The following NRXN3 variants were observed in gnomAD, a reference collection of about 807,000 sequenced individuals.
The protein encoded by NRXN3 is neurexin III.
Under a neutral mutation model 137.6 loss-of-function variants are expected in NRXN3, and 32 were observed. The observed-to-expected ratio is 0.23, with a 90% CI of 0.18 to 0.31. NRXN3 has a LOEUF of 0.31. Ranked by LOEUF, NRXN3 falls within the 10% of genes least tolerant of loss-of-function variation. NRXN3 has a pLI of 1.00. For synonymous variants in NRXN3, 798 were observed against 784.5 expected (o/e 1.02, Z -0.29); for missense variants, 1,574 against 2,062.5 (o/e 0.76, Z 4.59).
At chr14:78,872,891 T>G (rs1441098307) in intron 10 of NRXN3, among the ~76,000 whole-genome samples, 1 of 152,210 alleles carries the variant, frequency 6.6e-6, no homozygotes, top group Non-Finnish European at 1.5e-5. Context: ...ACTATTTTTC[T>G]TATAACTTCG....
intron 16 of NRXN3, among the ~76,000 whole-genome samples, chr14:79,473,649 C>G (rs902730354): frequency 6.6e-6 from 1 of 152,116 alleles, no homozygotes; most frequent in Non-Finnish European, 1.5e-5. Context: ...AAAAAAGGAA[C>G]GAACAAGAAA....
At chr14:79,799,129 C>A (rs1033364007) in intron 19 of NRXN3, among the ~76,000 whole-genome samples, 4 of 152,122 alleles carry the variant, frequency 2.6e-5, no homozygotes, top group Admixed American at 2.0e-4. Context: ...ATACATAGGG[C>A]TCCTGCCAGA....
At chr14:78,258,739 G>GA (rs2070132843) in intron 2 of NRXN3, among the ~76,000 whole-genome samples, 1 of 152,066 alleles carries the variant, frequency 6.6e-6, no homozygotes, top group African/African-American at 2.4e-5. Flanking sequence ...GCTTGCAGTT[G>GA]AAAATTACAA....
At chr14:78,289,586 T>TC (rs1034268610) in intron 3 of NRXN3, among the ~76,000 whole-genome samples, 1 of 137,708 alleles carries the variant, frequency 7.3e-6, no homozygotes, top group African/African-American at 3.2e-5. Context: ...AATGTGCTTG[T>TC]TTTTTTTTTT....
At chr14:79,512,278 A>G (rs1186765832) in intron 16 of NRXN3, among the ~76,000 whole-genome samples, 1 of 152,074 alleles carries the variant, frequency 6.6e-6, no homozygotes, top group Non-Finnish European at 1.5e-5. Flanking sequence ...CTAGAATTTG[A>G]CTGTTTAGAG....
At chr14:79,121,311 T>C (rs1357084127) in intron 15 of NRXN3, among the ~76,000 whole-genome samples, 1 of 152,218 alleles carries the variant, frequency 6.6e-6, no homozygotes, top group African/African-American at 2.4e-5. Context: ...ATCCCATTGA[T>C]GTGATATGAA....
intron 8 of NRXN3, among the ~76,000 whole-genome samples, chr14:78,755,190 AT>A (rs34214778): frequency 0.33 from 43,126 of 131,532 alleles, 8,028 homozygotes; most frequent in African/African-American, 0.55. Context: ...TAGTTTTTGT[AT>A]TTTTTTTTTT....
chr14:79,734,507 A>G (rs2098935209), intron 19 of NRXN3, among the ~76,000 whole-genome samples: 1 of 152,220 alleles, frequency 6.6e-6, no homozygotes, highest in African/African-American at 2.4e-5. Context: ...TAGGTGATAC[A>G]TCATCTTCTC....
intron 15 of NRXN3, among the ~76,000 whole-genome samples, chr14:79,042,832 T>C (rs72687413): frequency 0.087 from 13,209 of 152,170 alleles, 727 homozygotes; most frequent in Non-Finnish European, 0.12. Flanking sequence ...TGGCCTGTCC[T>C]GCTGTCCTGG....
intron 8 of NRXN3, among the ~76,000 whole-genome samples, chr14:78,719,884 ACC>A (rs1276676166): frequency 6.6e-6 from 1 of 152,060 alleles, no homozygotes; most frequent in Non-Finnish European, 1.5e-5. Flanking sequence ...GTTGGCAGAT[ACC>A]GTTAGTGTTA....
At chr14:78,967,569 A>G (rs1383611028) in intron 13 of NRXN3, among the ~76,000 whole-genome samples, 171 bp downstream of exon 13, 1 of 152,162 alleles carries the variant, frequency 6.6e-6, no homozygotes, top group African/African-American at 2.4e-5. Context: ...GTTTTTACTT[A>G]GACTACTCAT....
At chr14:79,248,149 A>G (rs181996555) in intron 15 of NRXN3, among the ~76,000 whole-genome samples, 1 of 152,308 alleles carries the variant, frequency 6.6e-6, no homozygotes, top group Admixed American at 6.5e-5. Flanking sequence ...CACATATGAT[A>G]ACATTTCTGC....
chr14:78,773,195 T>G (rs1054876585), intron 8 of NRXN3, among the ~76,000 whole-genome samples: 6 of 152,214 alleles, frequency 3.9e-5, no homozygotes, highest in Non-Finnish European at 8.8e-5. Context: ...GATGCTTTTG[T>G]GTGATGACTT....
At chr14:79,118,365 T>C (rs904369212) in intron 15 of NRXN3, among the ~76,000 whole-genome samples, 20 of 152,210 alleles carry the variant, frequency 1.3e-4, no homozygotes, top group Non-Finnish European at 2.5e-4. Flanking sequence ...ACTTCCTGTA[T>C]AGAATGGAGC....
intron 15 of NRXN3, among the ~76,000 whole-genome samples, chr14:79,347,453 G>A (rs540623294): frequency 6.7e-5 from 10 of 149,776 alleles, no homozygotes; most frequent in East Asian, 5.9e-4. Context: ...ACAGAGTCTC[G>A]CTCTGTCACC....
At chr14:78,941,491 C>T (rs908587257) in intron 10 of NRXN3, among the ~76,000 whole-genome samples, 4 of 152,170 alleles carry the variant, frequency 2.6e-5, no homozygotes, top group African/African-American at 7.2e-5. Context: ...AGTTCCTCTA[C>T]CCCTTTGTTT....
intron 9 of NRXN3, among the ~76,000 whole-genome samples, 196 bp from the exon 10 acceptor site, chr14:78,810,122 T>C (rs2098902411): frequency 6.6e-6 from 1 of 152,144 alleles, no homozygotes; most frequent in South Asian, 2.1e-4. Context: ...TGTATATATA[T>C]ATGTATCCAA....
chr14:79,858,515 C>T (rs868353679), intron 20 of NRXN3, among the ~76,000 whole-genome samples: 3 of 152,084 alleles, frequency 2.0e-5, no homozygotes, highest in Non-Finnish European at 4.4e-5. Flanking sequence ...ATTCCTTGTC[C>T]TTTAACCTAG....
intron 4 of NRXN3, among the ~76,000 whole-genome samples, chr14:78,636,606 C>T (rs1239454408): frequency 6.6e-6 from 1 of 152,102 alleles, no homozygotes; most frequent in Non-Finnish European, 1.5e-5. Context: ...AATGGATTCC[C>T]CTCTGTAAGA....
Sources: gnomAD v4.1 joint callset for allele counts (sites outside exome capture counted in the v4.1 genomes callset) on GRCh38, gnomAD v4.1.1 for gene constraint, MANE v1.5 for transcripts, NCBI Gene and HGNC (gene_info 2026-07-23, HGNC 2026-07-21) for gene names.